The following IGF2BP2 variants were observed in gnomAD, a reference collection of about 807,000 sequenced individuals.
The protein encoded by IGF2BP2 is insulin-like growth factor 2 mRNA-binding protein 2.
In IGF2BP2, 17 loss-of-function variants were observed where a neutral mutation model predicts 75.8. That is an observed-to-expected ratio of 0.22 (90% CI 0.15 to 0.34). The LOEUF is 0.34. Among genes scored for constraint, IGF2BP2 ranks in the 10% least tolerant of loss-of-function variants. IGF2BP2 has a pLI of 1.00. For synonymous variants in IGF2BP2, 288 were observed against 295.6 expected, an observed-to-expected ratio of 0.97 and a Z score of 0.26; for missense variants, 516 against 772.4, an observed-to-expected ratio of 0.67 and a Z score of 3.93.
intron 2 of IGF2BP2, among the ~76,000 whole-genome samples, chr3:185,761,919 C>T (rs537155368): frequency 6.6e-6 from 1 of 152,170 alleles, no homozygotes; most frequent in Admixed American, 6.5e-5. Context: ...TTCTAGGGTC[C>T]GTGGTTACTT....
intron 2 of IGF2BP2, among the ~76,000 whole-genome samples, chr3:185,726,145 G>A (rs566538737): frequency 6.6e-6 from 1 of 152,178 alleles, no homozygotes; most frequent in East Asian, 1.9e-4. Context: ...TCACGAACAA[G>A]TTTTGGAAAG....
chr3:185,661,932 G>A (rs1169581402), intron 10 of IGF2BP2, among the ~76,000 whole-genome samples: 1 of 152,152 alleles, frequency 6.6e-6, no homozygotes, highest in Non-Finnish European at 1.5e-5. Context: ...TTCTAAGCAG[G>A]GTTCTAGGAG....
rs553319175 is a variant in IGF2BP2 at position 185,762,310 on chromosome 3, C to T, written c.239+60843G>A. Among the ~76,000 whole-genome samples, 160 of 149,418 alleles carry T rather than the reference C, an allele frequency of 1.1e-3. 2 individuals are homozygous for T. Among genetic ancestry groups the T allele is most frequent in the Non-Finnish European group, 1.9e-3 (129 of 67,672 alleles). ...CCGGAGGCCAAGACAAGTGGATCAC[C>T]TGAGGTCAGGAGTTCGAGACCAGCC... On this transcript the variant is annotated intron_variant, in intron 2 of 15. Coordinates refer to ENST00000382199, the MANE Select transcript of IGF2BP2 (RefSeq NM_006548.6).
intron 9 of IGF2BP2, among the ~76,000 whole-genome samples, chr3:185,672,893 G>C (rs999141446): frequency 6.6e-6 from 1 of 152,086 alleles, no homozygotes; most frequent in African/African-American, 2.4e-5. Context: ...ATCTTGTCAT[G>C]GAAAATGAGG....
At chr3:185,676,930 G>T (rs1283562854) in intron 7 of IGF2BP2, among the ~76,000 whole-genome samples, 2 of 139,558 alleles carry the variant, frequency 1.4e-5, no homozygotes, top group Non-Finnish European at 3.1e-5. Flanking sequence ...TATATTTACT[G>T]GAGAGAGAGA....
chr3:185,757,978 A>C (rs897127121), intron 2 of IGF2BP2, among the ~76,000 whole-genome samples: 1 of 152,208 alleles, frequency 6.6e-6, no homozygotes, highest in South Asian at 2.1e-4. Flanking sequence ...CTTTATTAAC[A>C]CTATGCTCCA....
At chr3:185,723,098 C>T (rs542364928) in intron 2 of IGF2BP2, among the ~76,000 whole-genome samples, 1 of 152,238 alleles carries the variant, frequency 6.6e-6, no homozygotes, top group African/African-American at 2.4e-5. Flanking sequence ...GAGACTTTTA[C>T]GTCTTCAGAA....
Position 185,643,947 on chromosome 3 carries a change from T to C in IGF2BP2, c.*1584A>G, listed in dbSNP as rs1713081918. ...ATTAAAATTCAGGACATCTCCAATA[T>C]TCTCTCTCTCTGTTTTTCTTTGTCA... is the stretch of plus-strand genomic sequence containing the variant. On this transcript the variant is annotated 3_prime_UTR_variant, in exon 16 of 16. Transcript: ENST00000382199. The C allele has an allele frequency of 6.6e-6, 1 of 152,002 alleles. No homozygotes were observed. Among genetic ancestry groups the C allele is most frequent in the Admixed American group, 6.6e-5 (1 of 15,232 alleles). The allele number at this position is 152,002 out of a possible 1,614,324, so 9.4% of individuals were successfully genotyped here.
At chr3:185,816,359 C>T (rs1178318384) in intron 2 of IGF2BP2, among the ~76,000 whole-genome samples, 1 of 152,192 alleles carries the variant, frequency 6.6e-6, no homozygotes, top group Non-Finnish European at 1.5e-5. Flanking sequence ...TGCAATGCTA[C>T]CTTTAAAATT....
rs186392130 is a variant in IGF2BP2, at chr3:185,704,288, G to A, written c.240-5941C>T. Among the ~76,000 whole-genome samples the A allele has an allele frequency of 7.2e-5, 11 of 152,146 alleles. No homozygotes were observed. In the East Asian group the frequency reaches 1.5e-3, roughly 21 times the overall value. Reference sequence around the variant, plus strand: ...AGTCAGATTCCAGTCTATTGCACGCGCTCATTAGTGTGTCTTTCCTATTCC... The same window carrying A: ...AGTCAGATTCCAGTCTATTGCACGCACTCATTAGTGTGTCTTTCCTATTCC... On this transcript the variant is annotated intron_variant, in intron 2 of 15. Transcript: ENST00000382199.
At chr3:185,804,441 A>AC (rs916226959) in intron 2 of IGF2BP2, among the ~76,000 whole-genome samples, 1 of 150,132 alleles carries the variant, frequency 6.7e-6, no homozygotes, top group Non-Finnish European at 1.5e-5. Context: ...TCAAACAAAA[A>AC]AAAAACAAAA....
intron 2 of IGF2BP2, chr3:185,713,306 G>T: frequency 2.4e-6 from 1 of 424,952 alleles, no homozygotes; most frequent in Non-Finnish European, 4.7e-6. Flanking sequence ...TTGCGACTTT[G>T]ATCTAAACAG....
intron 2 of IGF2BP2, among the ~76,000 whole-genome samples, chr3:185,746,576 G>A (rs1730274843): frequency 6.6e-6 from 1 of 152,166 alleles, no homozygotes; most frequent in Non-Finnish European, 1.5e-5. Context: ...GATCAAAAAA[G>A]CCAGCTCTCA....
chr3:185,813,831 G>A (rs1224018147), intron 2 of IGF2BP2, among the ~76,000 whole-genome samples: 1 of 152,196 alleles, frequency 6.6e-6, no homozygotes, highest in African/African-American at 2.4e-5. Flanking sequence ...CTGCAGGCAG[G>A]CCTACACACC....
At chr3:185,731,977 G>A (rs573787136) in intron 2 of IGF2BP2, among the ~76,000 whole-genome samples, 3 of 151,168 alleles carry the variant, frequency 2.0e-5, no homozygotes, top group African/African-American at 4.9e-5. Flanking sequence ...GCGAGACTCC[G>A]TCTCAAAAAA....
intron 10 of IGF2BP2, among the ~76,000 whole-genome samples, chr3:185,660,043 C>T: frequency 6.6e-6 from 1 of 152,358 alleles, no homozygotes; most frequent in Non-Finnish European, 1.5e-5. Context: ...ATCCACCCGC[C>T]TCAGCCTCCC....
intron 2 of IGF2BP2, among the ~76,000 whole-genome samples, chr3:185,707,804 C>T (rs576677070): frequency 1.4e-4 from 22 of 152,290 alleles, no homozygotes; most frequent in African/African-American, 2.6e-4. Context: ...CAATTCCCTA[C>T]GATAATACCA....
intron 10 of IGF2BP2, 61 bp from the exon 11 acceptor site, chr3:185,658,470 G>A (rs1290138934): frequency 2.1e-6 from 3 of 1,422,436 alleles, no homozygotes; most frequent in Non-Finnish European, 2.9e-6. Context: ...CTGGCCTCAG[G>A]GAGGCCAGAT....
intron 2 of IGF2BP2, among the ~76,000 whole-genome samples, chr3:185,750,943 G>A (rs1433590733): frequency 3.3e-5 from 5 of 152,230 alleles, no homozygotes; most frequent in East Asian, 1.9e-4. Flanking sequence ...CTGGCTGGGC[G>A]TGGTGGCTCA....
Sources: allele counts gnomAD v4.1 joint callset (sites outside exome capture counted in the v4.1 genomes callset), GRCh38; gene constraint gnomAD v4.1.1; transcripts MANE v1.5; gene names NCBI Gene and HGNC (gene_info 2026-07-23, HGNC 2026-07-21).